The following POLN variants were observed in gnomAD, a reference collection of about 807,000 sequenced individuals.
POLN encodes the protein DNA polymerase N.
In POLN, 108 loss-of-function variants were observed where a neutral mutation model predicts 113.5. The ratio of observed to expected loss-of-function variants is 0.95; its 90% CI spans 0.81 to 1.12. POLN has a LOEUF of 1.12. POLN is among the 50% of genes most tolerant of loss of function. POLN has a pLI of 0.00. For synonymous variants in POLN, 386 were observed against 391.5 expected (o/e 0.99, Z 0.17); for missense variants, 1,097 against 1,077.1 (o/e 1.02, Z -0.26).
chr4:2,077,952 A>G (rs968028066), intron 23 of POLN, among the ~76,000 whole-genome samples: 3 of 152,166 alleles, frequency 2.0e-5, no homozygotes, highest in Non-Finnish European at 4.4e-5. Context: ...TGTTCCTGAG[A>G]GGGGTCGGCC....
rs929657225 is a variant in POLN at position 2,079,647 on chromosome 4, C to T, written c.2387+1311G>A. 29 of 972,594 alleles carry T rather than the reference C, an allele frequency of 3.0e-5. 1 individual carries two copies. Among genetic ancestry groups the T allele is most frequent in the East Asian group, 2.3e-4 (2 of 8,724 alleles). 60.2% of individuals were successfully genotyped at this position (972,594 alleles called of 1,614,324 possible). ...TCACCCAGGCTGGAGTGCAGTGGTG[C>T]GATCTTGGCACACTGCAACCTCCAC... On this transcript the variant is annotated intron_variant, in intron 23 of 25. Coordinates refer to ENST00000511885, the MANE Select transcript of POLN (RefSeq NM_181808.4).
At chr4:2,172,491 T>TTAGC (rs1732889013) in intron 11 of POLN, among the ~76,000 whole-genome samples, 1 of 152,196 alleles carries the variant, frequency 6.6e-6, no homozygotes. Context: ...TTATTGGCCT[T>TTAGC]TAGCTGAACC....
At chr4:2,204,109 CA>C (rs566255148) in intron 5 of POLN, among the ~76,000 whole-genome samples, 2,898 of 53,296 alleles carry the variant, frequency 0.054, 11 homozygotes, top group Non-Finnish European at 0.064. Context: ...AACTCTATCA[CA>C]AAAAAAAAAA....
rs1205935856 is a variant in POLN, at chr4:2,226,579, TTC to T, written c.133+2518_133+2519del. Among the ~76,000 whole-genome samples the T allele has an allele frequency of 3.3e-5, 5 of 152,000 alleles. No individual in the cohort carries two copies. The East Asian group carries it at 9.7e-4, about 29-fold the overall frequency. On this transcript the variant is annotated intron_variant, in intron 3 of 25. Coordinates refer to ENST00000511885, the MANE Select transcript of POLN (RefSeq NM_181808.4). ...TTTAGTGTTTTTCATGACAAAGTGT[TTC>T]TAAATAAGGATCTATACTTGTTTCA...
chr4:2,225,209 C>A (rs1285198908), intron 3 of POLN, among the ~76,000 whole-genome samples: 6 of 151,440 alleles, frequency 4.0e-5, no homozygotes, highest in Non-Finnish European at 8.8e-5. Flanking sequence ...GGAGAGGGTT[C>A]GACAAGCAAA....
Position 2,124,469 on chromosome 4 carries a change from G to GA in POLN, c.1982+3643dup, listed in dbSNP as rs774325403. Among the ~76,000 whole-genome samples the GA allele has an allele frequency of 6.6e-5, 10 of 152,148 alleles. No homozygotes were observed. In the East Asian group the frequency reaches 1.3e-3, roughly 21 times the overall value. On this transcript the variant is annotated intron_variant, in intron 19 of 25. Transcript: ENST00000511885. ...AAAAAAATTTTTTTTGTAGAGATGG[G>GA]AGTCTTGCCATGTTGCCCAGGCTGG... is the stretch of plus-strand genomic sequence containing the variant.
At position 2,186,216 on chromosome 4, in the gene POLN, G is replaced by C. The variant is rs557165790; in HGVS notation, c.1022-6751C>G. ...GGACAATCAACTTTCCCATCATCTT[G>C]GGCCCCCTGGCAGGAGACCCGTCCC... On this transcript the variant is annotated intron_variant, in intron 7 of 25. Transcript: ENST00000511885. 2.0e-5 allele frequency among the ~76,000 whole-genome samples: 3 copies of C among 152,270 alleles called. No homozygotes were observed. The East Asian group carries it at 5.8e-4, about 29-fold the overall frequency.
At chr4:2,195,849 A>G (rs764854918) in intron 6 of POLN, among the ~76,000 whole-genome samples, 12 of 152,332 alleles carry the variant, frequency 7.9e-5, no homozygotes, top group Non-Finnish European at 1.6e-4. Context: ...TAGCCACTAA[A>G]TGTGGAAGAA....
rs144421066 is a variant in POLN, at chr4:2,203,540, A to C, written c.714+4447T>G. On this transcript the variant is annotated intron_variant, in intron 5 of 25. Coordinates refer to ENST00000511885, the MANE Select transcript of POLN (RefSeq NM_181808.4). ...GGTTGCAGAGAGCCAAGATTGTACC[A>C]CTGCACTCCAGCCTGGGTGACACAG... 3.7e-4 allele frequency among the ~76,000 whole-genome samples: 56 copies of C among 151,028 alleles called. No homozygotes were observed. In the East Asian group the frequency reaches 0.011, roughly 30 times the overall value.
intron 3 of POLN, among the ~76,000 whole-genome samples, chr4:2,221,732 T>C (rs1052582099): frequency 1.3e-5 from 2 of 152,108 alleles, no homozygotes; most frequent in Non-Finnish European, 2.9e-5. Flanking sequence ...CCTGCCACCA[T>C]GCTCGGCTAA....
rs563703810 is a variant in POLN, at chr4:2,155,200, T to TTA, written c.1731+1586_1731+1587dup. ...ACAGCAGTTGTGGTTGGTTGAGAAA[T>TTA]TAGCCCAAGGGTAACGTGGCAGCAG... On this transcript the variant is annotated intron_variant, in intron 16 of 25. Coordinates refer to ENST00000511885, the MANE Select transcript of POLN (RefSeq NM_181808.4). Among the ~76,000 whole-genome samples, 50 of 152,334 alleles carry TTA rather than the reference T, an allele frequency of 3.3e-4. No individual in the cohort carries two copies. The South Asian group carries it at 0.01, about 31-fold the overall frequency.
In POLN at chr4:2,230,305, T is replaced by A. The variant is rs537571909; in HGVS notation, c.-12-1062A>T. 2.0e-5 allele frequency: 3 copies of A among 152,130 alleles called. No homozygotes were observed. In the South Asian group the frequency reaches 6.2e-4, roughly 32 times the overall value. The allele number at this position is 152,130 out of a possible 1,614,324, so 9.4% of individuals were successfully genotyped here. ...GTTAGACTCTGTCTCAAAAATTAACTAATAAATCAAGCGTCTGGCCACACA... is the reference window on the plus strand; with the variant it reads ...GTTAGACTCTGTCTCAAAAATTAACAAATAAATCAAGCGTCTGGCCACACA... On this transcript the variant is annotated intron_variant, in intron 2 of 25. Transcript: ENST00000511885.
chr4:2,123,013 C>T (rs940841623), intron 19 of POLN, among the ~76,000 whole-genome samples: 1 of 151,984 alleles, frequency 6.6e-6, no homozygotes, highest in Non-Finnish European at 1.5e-5. Context: ...AAAAATCTAG[C>T]CAGGCATGCT....
intron 19 of POLN, among the ~76,000 whole-genome samples, chr4:2,120,648 T>C (rs1365683831): frequency 6.6e-6 from 1 of 152,070 alleles, no homozygotes; most frequent in Non-Finnish European, 1.5e-5. Context: ...CGCTCATCAC[T>C]ACAACCGGCT....
At chr4:2,239,416 C>G (rs1325945834) in intron 2 of POLN, among the ~76,000 whole-genome samples, 2 of 152,174 alleles carry the variant, frequency 1.3e-5, no homozygotes, top group Non-Finnish European at 2.9e-5. Flanking sequence ...TTGATTTTAG[C>G]ACTTCTACGT....
At chr4:2,182,525 G>A (rs755866170) in intron 7 of POLN, among the ~76,000 whole-genome samples, 5 of 152,148 alleles carry the variant, frequency 3.3e-5, no homozygotes, top group Admixed American at 6.5e-5. Flanking sequence ...AGAAGGAACT[G>A]CCAACACCTT....
intron 21 of POLN, chr4:2,082,808 T>C (rs920236302): frequency 1.3e-5 from 2 of 152,342 alleles, no homozygotes; most frequent in Non-Finnish European, 2.9e-5. Context: ...GGCCGGATGC[T>C]GGGCACTGTG....
chr4:2,198,485 T>G lies in POLN; in HGVS notation c.908+39A>C, dbSNP rs763006409. The stretch of plus-strand genomic sequence containing the variant: ...AGTTTCCATTAGTATAAAGCAGGCA[T>G]GTAAGTAGGGTGTGAGCCCATGTGT... On this transcript the variant is annotated intron_variant, in intron 6 of 25. Coordinates refer to ENST00000511885, the MANE Select transcript of POLN (RefSeq NM_181808.4). The G allele has an allele frequency of 3.3e-6, 5 of 1,533,368 alleles. No individual in the cohort carries two copies. The African/African-American group carries it at 5.5e-5, about 17-fold the overall frequency. The allele number at this position is 1,533,368 out of a possible 1,614,324, so 95.0% of individuals were successfully genotyped here. A position where few individuals can be genotyped will look rare whatever the true frequency, so the allele number is the denominator to read the frequency against.
Position 2,143,429 on chromosome 4 carries a change from A to G in POLN, c.1732-12139T>C, listed in dbSNP as rs1732054224. ...ATGTTATGAAAAATCACACGCACGTAAATTTCACAACTTAGACAAAATGGA... is the reference window on the plus strand; with the variant it reads ...ATGTTATGAAAAATCACACGCACGTGAATTTCACAACTTAGACAAAATGGA... On this transcript the variant is annotated intron_variant, in intron 16 of 25. Transcript: ENST00000511885. Among the ~76,000 whole-genome samples, 6 of 152,328 alleles carry G rather than the reference A, an allele frequency of 3.9e-5. No individual in the cohort carries two copies. The South Asian group carries it at 1.2e-3, about 32-fold the overall frequency.
Sources: gnomAD v4.1 joint callset for allele counts (sites outside exome capture counted in the v4.1 genomes callset) on GRCh38, gnomAD v4.1.1 for gene constraint, MANE v1.5 for transcripts, NCBI Gene and HGNC (gene_info 2026-07-23, HGNC 2026-07-21) for gene names.